The following PTPRN2 variants were observed in gnomAD, a reference collection of about 807,000 sequenced individuals.
The protein encoded by PTPRN2 is receptor-type tyrosine-protein phosphatase N2.
In PTPRN2, 74 loss-of-function variants were observed where a neutral mutation model predicts 118.8. The ratio of observed to expected loss-of-function variants is 0.62; its 90% confidence interval spans 0.52 to 0.76. PTPRN2 has a LOEUF of 0.76. Ranked by LOEUF, PTPRN2 falls within the 30% of genes least tolerant of loss-of-function variation. The probability of loss-of-function intolerance (pLI) is 0.00; values close to 1 mark genes in which losing one functional copy is unlikely to be tolerated. For missense variants in PTPRN2, 1,481 were observed against 1,394.4 expected, an observed-to-expected ratio of 1.06 and a Z score of -0.99; for synonymous variants, 641 against 608.0, an observed-to-expected ratio of 1.05 and a Z score of -0.80.
chr7:157,816,006 G>C (rs1236394174), intron 12 of PTPRN2, among the ~76,000 whole-genome samples: 2 of 152,164 alleles, frequency 1.3e-5, no homozygotes, highest in African/African-American at 2.4e-5. Flanking sequence ...CAGATGTGAA[G>C]ATGTGCTCTC....
In PTPRN2 at chr7:158,071,751, G is replaced by GTGA. The variant is rs1415628546; in HGVS notation, c.1723+9546_1723+9547insTCA. 2.2e-5 allele frequency among the ~76,000 whole-genome samples: 3 copies of GTGA among 134,856 alleles called. 1 individual carries two copies. Among genetic ancestry groups the GTGA allele is most frequent in the African/African-American group, 6.0e-5 (2 of 33,410 alleles). 88.5% of individuals were successfully genotyped at this position (134,856 alleles called of 152,430 possible). ...GCTCGTGGTGGTGGAGGTGCTCATG[G>GTGA]TGGAGGTGCTCGTGGTGATGGAGGT... On this transcript the variant is annotated intron_variant, in intron 11 of 22. Transcript: ENST00000389418.
intron 11 of PTPRN2, among the ~76,000 whole-genome samples, chr7:157,934,094 G>A (rs1051304004): frequency 2.0e-5 from 3 of 152,194 alleles, no homozygotes; most frequent in Non-Finnish European, 4.4e-5. Flanking sequence ...CATCTTTTGT[G>A]TTCTTTGTGC....
At chr7:158,260,081 G>T (rs905478969) in intron 3 of PTPRN2, among the ~76,000 whole-genome samples, 1 of 152,222 alleles carries the variant, frequency 6.6e-6, no homozygotes, top group Non-Finnish European at 1.5e-5. Flanking sequence ...GTGTATGTGC[G>T]TGCACGTCTG....
intron 12 of PTPRN2, among the ~76,000 whole-genome samples, chr7:157,818,407 T>C (rs1049050112): frequency 2.6e-5 from 4 of 152,070 alleles, no homozygotes; most frequent in South Asian, 2.1e-4. Context: ...GGTGGGGTCA[T>C]TGGGGAGCTG....
intron 11 of PTPRN2, among the ~76,000 whole-genome samples, chr7:157,930,755 G>C (rs1799306107): frequency 6.6e-6 from 1 of 152,222 alleles, no homozygotes; most frequent in African/African-American, 2.4e-5. Context: ...GCCAACATGG[G>C]AGTGGGCGTG....
chr7:157,797,513 G>A (rs1385741858), intron 12 of PTPRN2, among the ~76,000 whole-genome samples: 3 of 140,848 alleles, frequency 2.1e-5, no homozygotes, highest in Non-Finnish European at 4.4e-5. Flanking sequence ...GGCTGAGGTC[G>A]TGGGAGGCAT....
At chr7:157,858,136 C>T (rs559788289) in intron 12 of PTPRN2, among the ~76,000 whole-genome samples, 2 of 73,880 alleles carry the variant, frequency 2.7e-5, no homozygotes, top group African/African-American at 5.6e-5. Flanking sequence ...CACACTCCTG[C>T]AGGGAGAGCC....
At chr7:158,080,374 G>T (rs551002045) in intron 11 of PTPRN2, among the ~76,000 whole-genome samples, 154 of 142,488 alleles carry the variant, frequency 1.1e-3, no homozygotes, top group Middle Eastern at 8.5e-3. Context: ...TAAAGGACTG[G>T]CTAAAACCAA....
rs1462201964 is a variant in PTPRN2, at chr7:157,609,052, C to A, written c.2345-4977G>T. 6.6e-6 allele frequency among the ~76,000 whole-genome samples: 1 copy of A among 152,206 alleles called. No homozygotes were observed. Among genetic ancestry groups the A allele is most frequent in the Non-Finnish European group, 1.5e-5 (1 of 68,050 alleles). ...CCCACTGTGCACGTTCCTTTTCTGA[C>A]CCTTTACTGTGTTTATCATGCGTTA... On this transcript the variant is annotated intron_variant, in intron 15 of 22. Transcript: ENST00000389418. This position sits in a 1 kb window ranked among gnomAD's most constrained non-coding sequence, Gnocchi z 4.9.
intron 13 of PTPRN2, among the ~76,000 whole-genome samples, chr7:157,681,745 C>A (rs1479266933): frequency 1.3e-5 from 2 of 152,086 alleles, no homozygotes; most frequent in African/African-American, 4.8e-5. Flanking sequence ...TGAGAGCCCA[C>A]CCATGTAACT....
chr7:157,935,416 T>C (rs1799637415), intron 11 of PTPRN2, among the ~76,000 whole-genome samples: 2 of 152,204 alleles, frequency 1.3e-5, no homozygotes, highest in African/African-American at 4.8e-5. Flanking sequence ...TCTGATCCGC[T>C]GTAAAGCCCA....
rs564042075 is a variant in PTPRN2 at position 157,773,363 on chromosome 7, A to G, written c.1789-90426T>C. Among the ~76,000 whole-genome samples the G allele has an allele frequency of 1.2e-4, 19 of 152,174 alleles. No individual in the cohort carries two copies. In the East Asian group the frequency reaches 3.7e-3, roughly 29 times the overall value. ...ACAAACAGGAGAGAGGCGGCTCCCAACCTCCAGGAGATGAAAACCTGTTCT... is the reference window on the plus strand; with the variant it reads ...ACAAACAGGAGAGAGGCGGCTCCCAGCCTCCAGGAGATGAAAACCTGTTCT... On this transcript the variant is annotated intron_variant, in intron 12 of 22. Coordinates refer to ENST00000389418, the MANE Select transcript of PTPRN2 (RefSeq NM_002847.5).
chr7:157,581,069 A>C (rs1487710840), intron 17 of PTPRN2, among the ~76,000 whole-genome samples: 16 of 96,226 alleles, frequency 1.7e-4, no homozygotes, highest in South Asian at 3.7e-4. Flanking sequence ...ACACCCCAGC[A>C]CCTGCACACC....
At chr7:158,136,104 C>T (rs528830068) in intron 8 of PTPRN2, among the ~76,000 whole-genome samples, 41 of 152,250 alleles carry the variant, frequency 2.7e-4, no homozygotes, top group Non-Finnish European at 4.3e-4. Context: ...GGTGGACCGT[C>T]CTCTTCCTGT....
Position 157,988,276 on chromosome 7 carries a change from C to T in PTPRN2, c.1724-89539G>A, listed in dbSNP as rs188938288. Among the ~76,000 whole-genome samples the T allele has an allele frequency of 4.0e-3, 609 of 152,080 alleles. 12 individuals carry two copies. Among genetic ancestry groups the T allele is most frequent in the Admixed American group, 0.033 (509 of 15,284 alleles). On this transcript the variant is annotated intron_variant, in intron 11 of 22. Transcript: ENST00000389418. Reference sequence around the variant, plus strand: ...CAGGCTTCTTTGTGCTTTGGTCACACGGAGAATTATCAGTGCAGTCTCTGT... The same window carrying T: ...CAGGCTTCTTTGTGCTTTGGTCACATGGAGAATTATCAGTGCAGTCTCTGT...
At chr7:158,294,163 AG>A (rs1800308131) in intron 3 of PTPRN2, among the ~76,000 whole-genome samples, 1 of 152,222 alleles carries the variant, frequency 6.6e-6, no homozygotes, top group Admixed American at 6.5e-5. Context: ...AGTCGGTGAC[AG>A]GGGTTTTCAG....
chr7:158,092,703 T>A (rs58385688), intron 10 of PTPRN2, among the ~76,000 whole-genome samples: 486 of 152,278 alleles, frequency 3.2e-3, no homozygotes, highest in African/African-American at 0.01. Context: ...CATAATGATT[T>A]AAGAGACTTA....
intron 9 of PTPRN2, among the ~76,000 whole-genome samples, chr7:158,128,012 C>CCA (rs1817836468): frequency 1.3e-5 from 2 of 152,186 alleles, no homozygotes; most frequent in African/African-American, 2.4e-5. Flanking sequence ...CCGAGCCCTA[C>CCA]CATCCTCCCA....
intron 6 of PTPRN2, among the ~76,000 whole-genome samples, chr7:158,144,147 A>C (rs990042959): frequency 7.2e-5 from 11 of 152,230 alleles, no homozygotes; most frequent in African/African-American, 2.7e-4. Context: ...AATAAAAATC[A>C]TGTGACTTCT....
Sources: gnomAD v4.1 joint callset for allele counts (sites outside exome capture counted in the v4.1 genomes callset) on GRCh38, gnomAD v4.1.1 for gene constraint, Gnocchi (gnomAD v3.1) non-coding constraint, MANE v1.5 for transcripts, NCBI Gene and HGNC (gene_info 2026-07-23, HGNC 2026-07-21) for gene names.